Variants in DISP1 observed in about 807,000 individuals in gnomAD.
The protein encoded by DISP1 is dispatched RND transporter family member 1, also known as protein dispatched homolog 1.
DISP1 carries 30 observed loss-of-function variants against 37.3 expected under a neutral mutation model. The ratio of observed to expected loss-of-function variants is 0.80; its 90% CI spans 0.60 to 1.09. DISP1 has a LOEUF of 1.09. DISP1 is among the 50% of genes least tolerant of loss of function. DISP1 has a pLI of 0.00. For missense variants in DISP1, 1,598 were observed against 1,879.5 expected (o/e 0.85, Z 2.77); for synonymous variants, 634 against 690.2 (o/e 0.92, Z 1.28).
chr1:222,942,933 C>A lies in DISP1; in HGVS notation c.110C>A (p.Ala37Asp). The A allele has an allele frequency of 6.2e-7, 1 of 1,614,148 alleles. No individual in the cohort carries two copies. Among genetic ancestry groups the A allele is most frequent in the African/African-American group, 1.3e-5 (1 of 75,030 alleles). ...ACCCCCTGTGATGGAGACCATGCAG[C>A]CCAGCAGCTCACACCCAAAGAAGCA... ...PLTPCDGDHA[A>D]QQLTPKEATR... Residue 37 changes from alanine (A) to aspartate (D), a missense_variant, in exon 3 of 9, where the codon GCC becomes GAC. Ala to Asp is a moderately radical substitution (Grantham distance 126, BLOSUM62 -2). Coordinates refer to ENST00000675850, the MANE Select transcript of DISP1 (RefSeq NM_001377229.1).
chr1:222,820,823 A>G (rs1430929290), intron 1 of DISP1, among the ~76,000 whole-genome samples: 3 of 152,170 alleles, frequency 2.0e-5, no homozygotes, highest in Non-Finnish European at 4.4e-5. Flanking sequence ...GTACTCAAGA[A>G]ATTGTAGCAT....
At chr1:222,980,011 C>CTG (rs1216189906) in intron 3 of DISP1, 1 of 158,398 alleles carries the variant, frequency 6.3e-6, no homozygotes, top group Non-Finnish European at 1.4e-5. Flanking sequence ...AAAAATTTTA[C>CTG]TGCTGAATTA....
intron 7 of DISP1, among the ~76,000 whole-genome samples, chr1:222,993,226 C>T (rs1258138086): frequency 6.6e-6 from 1 of 152,092 alleles, no homozygotes; most frequent in Non-Finnish European, 1.5e-5. Context: ...AAATTCACTA[C>T]CCAAAATTTG....
chr1:222,979,548 A>G (rs1677677811), intron 3 of DISP1: 2 of 469,198 alleles, frequency 4.3e-6, no homozygotes, highest in South Asian at 3.1e-5. Context: ...TTATATCTCA[A>G]TAAAACTCAT....
At chr1:222,981,998 C>A (rs772568918) in intron 3 of DISP1, among the ~76,000 whole-genome samples, 6 of 152,050 alleles carry the variant, frequency 3.9e-5, no homozygotes, top group South Asian at 2.1e-4. Context: ...ATATTGGAAT[C>A]GAAACTGACA....
At chr1:222,846,274 C>G (rs555448711) in intron 1 of DISP1, among the ~76,000 whole-genome samples, 1 of 152,214 alleles carries the variant, frequency 6.6e-6, no homozygotes, top group African/African-American at 2.4e-5. Context: ...GGCGGATCAC[C>G]TGAGGTCAGG....
intron 1 of DISP1, among the ~76,000 whole-genome samples, chr1:222,876,994 T>C (rs545803060): frequency 2.0e-5 from 3 of 152,322 alleles, no homozygotes; most frequent in African/African-American, 7.2e-5. Flanking sequence ...GATGAATATA[T>C]GAACATGTTG....
chr1:222,921,346 C>G (rs1359974287), intron 1 of DISP1, among the ~76,000 whole-genome samples: 1 of 152,000 alleles, frequency 6.6e-6, no homozygotes, highest in Non-Finnish European at 1.5e-5. Flanking sequence ...GGCAATTAAG[C>G]TACAGACTTA....
At chr1:222,843,716 T>A (rs1667737869) in intron 1 of DISP1, among the ~76,000 whole-genome samples, 1 of 151,984 alleles carries the variant, frequency 6.6e-6, no homozygotes, top group Non-Finnish European at 1.5e-5. Flanking sequence ...GGCCAAGAAG[T>A]ATTAAATCAC....
Position 222,994,491 on chromosome 1 carries a change from C to G in DISP1, c.890-394C>G, listed in dbSNP as rs541155214. Reference sequence around the variant, plus strand: ...TCTAGTTAGCTGCCAGGGAGAACATCCCTATAATCCATTCTTGGTATTCCC... The same window carrying G: ...TCTAGTTAGCTGCCAGGGAGAACATGCCTATAATCCATTCTTGGTATTCCC... On this transcript the variant is annotated intron_variant, in intron 7 of 8. Transcript: ENST00000675850. Among the ~76,000 whole-genome samples, 250 of 152,242 alleles carry G rather than the reference C, an allele frequency of 1.6e-3. 2 individuals are homozygous for G. The highest frequency in any genetic ancestry group is 3.0e-3 in the Non-Finnish European group (202 of 68,000).
intron 1 of DISP1, among the ~76,000 whole-genome samples, chr1:222,888,680 T>G (rs866543770): frequency 6.6e-6 from 1 of 152,152 alleles, no homozygotes; most frequent in Non-Finnish European, 1.5e-5. Flanking sequence ...AATTTTTATT[T>G]TCTCCCACAT....
chr1:222,941,993 G>A (rs1674419564), intron 2 of DISP1, among the ~76,000 whole-genome samples: 1 of 151,444 alleles, frequency 6.6e-6, no homozygotes, highest in South Asian at 2.1e-4. Flanking sequence ...CAAAGGGATA[G>A]GGAGATTGTC....
chr1:222,826,089 G>A (rs1664310609), intron 1 of DISP1, among the ~76,000 whole-genome samples: 1 of 152,006 alleles, frequency 6.6e-6, no homozygotes, highest in South Asian at 2.1e-4. Flanking sequence ...GTTTTGTAGA[G>A]ACAGAGGTCT....
At chr1:222,857,926 A>G (rs1304406879) in intron 1 of DISP1, among the ~76,000 whole-genome samples, 1 of 152,224 alleles carries the variant, frequency 6.6e-6, no homozygotes, top group Non-Finnish European at 1.5e-5. Flanking sequence ...ATTAGAAGAA[A>G]CTATTTAAAA....
intron 7 of DISP1, among the ~76,000 whole-genome samples, chr1:222,992,859 C>G: frequency 2.2e-5 from 1 of 44,726 alleles, no homozygotes; most frequent in Non-Finnish European, 4.8e-5. Context: ...GGTCAAAAAC[C>G]CAGAATTTTT....
intron 3 of DISP1, among the ~76,000 whole-genome samples, chr1:222,952,960 C>A (rs1651491797): frequency 6.6e-6 from 1 of 152,206 alleles, no homozygotes; most frequent in Admixed American, 6.5e-5. Context: ...GCCGCAATTA[C>A]ATTCCACAAA....
intron 1 of DISP1, chr1:222,837,163 G>A: frequency 2.5e-6 from 1 of 397,518 alleles, no homozygotes; most frequent in Non-Finnish European, 4.4e-6. Context: ...TAAAGAAAAA[G>A]CCATTTGTCC....
rs781695918 is a variant in DISP1 at position 222,992,046 on chromosome 1, T to C, written c.825T>C (p.Tyr275=). ...HRDDRWSDDH[Y]EREKREVDWN... is the part of the protein sequence containing the mutation. ...ATGATAGATGGTCAGATGATCATTA[T>C]GAAAGAGAGAAAAGAGAAGTTGACT... The change falls in exon 7 of 9, where the codon TAT becomes TAC. Residue 275 remains tyrosine, a synonymous_variant. Transcript: ENST00000675850. 2 of 1,613,886 alleles carry C rather than the reference T, an allele frequency of 1.2e-6. No individual in the cohort carries two copies. Among genetic ancestry groups the C allele is most frequent in the African/African-American group, 2.7e-5 (2 of 74,910 alleles).
chr1:223,005,472 C>T lies in DISP1; in HGVS notation c.4075C>T (p.Pro1359Ser). ...TCTGCCTAGGAATTTTTTCCTCCAC[C>T]CAGTGCAGCACATTCAGGCCCAAGA... ...NSLPRNFFLH[P>S]VQHIQAQEKI... The change falls in exon 9 of 9, where the codon CCA (proline) becomes TCA (serine). Residue 1359 changes from proline (P) to serine (S), a missense_variant. Transcript: ENST00000675850. The T allele has an allele frequency of 1.2e-6, 2 of 1,613,790 alleles. No homozygotes were observed. The highest frequency in any genetic ancestry group is 8.5e-7 in the Non-Finnish European group (1 of 1,180,020).
Sources: gnomAD v4.1 joint callset for allele counts (sites outside exome capture counted in the v4.1 genomes callset) on GRCh38, gnomAD v4.1.1 for gene constraint, MANE v1.5 for transcripts, NCBI Gene and HGNC (gene_info 2026-07-23, HGNC 2026-07-21) for gene names.